The following NELL1 variants were observed in gnomAD, a reference collection of about 807,000 sequenced individuals.
NELL1 encodes protein kinase C-binding protein NELL1.
In NELL1, 76 loss-of-function variants were observed where a neutral mutation model predicts 107.4. That is an observed-to-expected ratio of 0.71 (90% confidence interval 0.59 to 0.86). The LOEUF (loss-of-function observed/expected upper bound fraction) is 0.86, where lower values mean the gene tolerates loss of function less well. NELL1 is among the 40% of genes least tolerant of loss of function. The pLI, the probability that NELL1 is intolerant of heterozygous loss-of-function variation, is 0.00. For missense variants in NELL1, 1,024 were observed against 1,005.5 expected, an observed-to-expected ratio of 1.02 and a Z score of -0.25; for synonymous variants, 353 against 341.2, an observed-to-expected ratio of 1.03 and a Z score of -0.38.
intron 2 of NELL1, among the ~76,000 whole-genome samples, chr11:20,711,752 G>A (rs373453495): frequency 6.6e-6 from 1 of 152,068 alleles, no homozygotes; most frequent in Admixed American, 6.6e-5. Context: ...GAAATCAGCT[G>A]TTAATCTGAT....
At chr11:21,169,626 A>G (rs1856559153) in intron 13 of NELL1, 3 of 374,314 alleles carry the variant, frequency 8.0e-6, no homozygotes, top group Non-Finnish European at 9.6e-6. Flanking sequence ...ATTCTTTCCC[A>G]TATTCTTTCT....
chr11:20,938,985 G>A (rs898172880), intron 10 of NELL1, among the ~76,000 whole-genome samples: 4 of 151,576 alleles, frequency 2.6e-5, no homozygotes, highest in Non-Finnish European at 5.9e-5. Flanking sequence ...TGTATGTCAC[G>A]AGCAGCTGTG....
At chr11:21,334,110 T>G (rs1850331592) in intron 14 of NELL1, among the ~76,000 whole-genome samples, 1 of 152,064 alleles carries the variant, frequency 6.6e-6, no homozygotes, top group South Asian at 2.1e-4. Context: ...CTGAGGACAT[T>G]GATATGTAAA....
Position 20,928,364 on chromosome 11 carries a change from C to T in NELL1, c.895-13C>T. Reference sequence around the variant, plus strand: ...TACTTCTGAGATTATGTTCCATGTCCTTCCTTCCTCAGAGTGGTGCCGTGG... The same window carrying T: ...TACTTCTGAGATTATGTTCCATGTCTTTCCTTCCTCAGAGTGGTGCCGTGG... On this transcript the variant is annotated splice_polypyrimidine_tract_variant and intron_variant, in intron 8 of 19. Transcript: ENST00000357134. The T allele has an allele frequency of 6.2e-7, 1 of 1,607,460 alleles. No homozygotes were observed. Among genetic ancestry groups the T allele is most frequent in the Non-Finnish European group, 8.5e-7 (1 of 1,174,054 alleles).
chr11:21,439,866 T>C (rs1292184128), intron 15 of NELL1, among the ~76,000 whole-genome samples: 3 of 152,158 alleles, frequency 2.0e-5, no homozygotes, highest in Non-Finnish European at 4.4e-5. Flanking sequence ...TTTTCCAAAC[T>C]CTTACTATAT....
At chr11:21,206,733 C>CT (rs941815713) in intron 13 of NELL1, among the ~76,000 whole-genome samples, 1 of 152,088 alleles carries the variant, frequency 6.6e-6, no homozygotes, top group Admixed American at 6.6e-5. Flanking sequence ...GTTCCTTTTG[C>CT]TTTTTTTGTC....
chr11:21,319,177 T>C (rs967927894), intron 14 of NELL1, among the ~76,000 whole-genome samples: 1 of 151,356 alleles, frequency 6.6e-6, no homozygotes, highest in African/African-American at 2.4e-5. Flanking sequence ...ATACATATTA[T>C]TTTATTTTGT....
At chr11:21,479,481 C>A (rs1590964108) in intron 15 of NELL1, among the ~76,000 whole-genome samples, 1 of 152,070 alleles carries the variant, frequency 6.6e-6, no homozygotes, top group Middle Eastern at 3.4e-3. Context: ...TGAGGAACTA[C>A]AAATTTAAAC....
intron 12 of NELL1, among the ~76,000 whole-genome samples, chr11:21,066,195 G>A (rs1853866052): frequency 6.6e-6 from 1 of 152,126 alleles, no homozygotes; most frequent in Non-Finnish European, 1.5e-5. Context: ...ACTTCAAGCT[G>A]CCAATCTCTT....
chr11:21,564,823 C>CTT (rs1856933065), intron 17 of NELL1, among the ~76,000 whole-genome samples: 1 of 151,820 alleles, frequency 6.6e-6, no homozygotes. Flanking sequence ...TGAAGAAGAC[C>CTT]TTTTTCATGA....
Position 20,934,335 on chromosome 11 carries a change from G to A in NELL1, c.998-3451G>A, listed in dbSNP as rs376330361. 1.8e-4 allele frequency among the ~76,000 whole-genome samples: 28 copies of A among 152,288 alleles called. No individual in the cohort carries two copies. The South Asian group carries it at 3.7e-3, about 20-fold the overall frequency. ...GTGCCAAATTGCAGATGGTTGAGGCGTGCAGTAATATGTTGATCTCATTCA... is the reference window on the plus strand; with the variant it reads ...GTGCCAAATTGCAGATGGTTGAGGCATGCAGTAATATGTTGATCTCATTCA... On this transcript the variant is annotated intron_variant, in intron 9 of 19. Coordinates refer to ENST00000357134, the MANE Select transcript of NELL1 (RefSeq NM_006157.5).
At chr11:20,860,374 A>G (rs1848956740) in intron 4 of NELL1, among the ~76,000 whole-genome samples, 1 of 152,196 alleles carries the variant, frequency 6.6e-6, no homozygotes, top group Non-Finnish European at 1.5e-5. Context: ...ATTTGCAAAT[A>G]CCTGAATGAA....
chr11:21,207,224 T>G (rs1857408951), intron 13 of NELL1, among the ~76,000 whole-genome samples: 1 of 152,200 alleles, frequency 6.6e-6, no homozygotes, highest in Non-Finnish European at 1.5e-5. Flanking sequence ...GGACACTTTT[T>G]TGCGTAGTCT....
chr11:21,150,284 A>G (rs1000033597), intron 13 of NELL1, among the ~76,000 whole-genome samples: 10 of 152,122 alleles, frequency 6.6e-5, no homozygotes, highest in African/African-American at 9.7e-5. Context: ...TAAAGCATCC[A>G]CCGTATATTA....
intron 12 of NELL1, among the ~76,000 whole-genome samples, chr11:21,020,190 T>C (rs1268846936): frequency 1.3e-5 from 2 of 152,128 alleles, no homozygotes; most frequent in Non-Finnish European, 2.9e-5. Context: ...ACTTAGTAAG[T>C]GCTTAGCAGC....
intron 15 of NELL1, among the ~76,000 whole-genome samples, chr11:21,494,257 G>A (rs12421117): frequency 0.23 from 35,140 of 151,830 alleles, 4,628 homozygotes; most frequent in Middle Eastern, 0.3. Flanking sequence ...ACTGTTTAAT[G>A]TATTATTCTT....
intron 15 of NELL1, among the ~76,000 whole-genome samples, chr11:21,517,263 T>C (rs1413433247): frequency 2.0e-5 from 3 of 152,182 alleles, no homozygotes; most frequent in African/African-American, 7.2e-5. Flanking sequence ...TCAAGTTCAA[T>C]GAAAACTATG....
chr11:20,988,828 C>T (rs889961794), intron 12 of NELL1, among the ~76,000 whole-genome samples: 3 of 151,916 alleles, frequency 2.0e-5, no homozygotes, highest in African/African-American at 7.3e-5. Flanking sequence ...ACCTCGTGAT[C>T]CGCCTTGCCT....
At chr11:20,962,964 G>T (rs142743176) in intron 12 of NELL1, among the ~76,000 whole-genome samples, 1,540 of 152,270 alleles carry the variant, frequency 0.01, 13 homozygotes, top group South Asian at 0.036. Context: ...TAAAGCAGGG[G>T]TCAAATACTG....
Sources: allele counts gnomAD v4.1 joint callset (sites outside exome capture counted in the v4.1 genomes callset), GRCh38; gene constraint gnomAD v4.1.1; transcripts MANE v1.5; gene names NCBI Gene and HGNC (gene_info 2026-07-23, HGNC 2026-07-21).